Variants in CDH18 observed in about 807,000 individuals in gnomAD.
CDH18 encodes cadherin 18.
A neutral mutation model predicts 67.9 loss-of-function variants in CDH18; 31 were observed. That is an observed-to-expected ratio of 0.46 (90% CI 0.34 to 0.62). The LOEUF is 0.62. CDH18 is among the 20% of genes least tolerant of loss of function. The pLI is 0.01. For synonymous variants in CDH18, 362 were observed against 347.2 expected, an observed-to-expected ratio of 1.04 and a Z score of -0.48; for missense variants, 890 against 975.5, an observed-to-expected ratio of 0.91 and a Z score of 1.17.
At chr5:19,810,140 G>C (rs941370231) in intron 3 of CDH18, among the ~76,000 whole-genome samples, 2 of 151,958 alleles carry the variant, frequency 1.3e-5, no homozygotes, top group Non-Finnish European at 2.9e-5. Context: ...GACCAGCCTG[G>C]CCAACATGGT....
intron 2 of CDH18, among the ~76,000 whole-genome samples, chr5:19,926,271 T>C (rs1327967635): frequency 1.3e-5 from 2 of 152,192 alleles, no homozygotes; most frequent in Non-Finnish European, 2.9e-5. Flanking sequence ...ACTGGTAATA[T>C]GCTTGAAATA....
chr5:19,510,242 G>A (rs1744908741), intron 10 of CDH18, among the ~76,000 whole-genome samples: 1 of 152,038 alleles, frequency 6.6e-6, no homozygotes, highest in African/African-American at 2.4e-5. Flanking sequence ...TCAAGATATG[G>A]TTAAAAGAGT....
chr5:19,536,256 G>A (rs1363551649), intron 9 of CDH18, among the ~76,000 whole-genome samples: 2 of 152,168 alleles, frequency 1.3e-5, no homozygotes, highest in Non-Finnish European at 2.9e-5. Flanking sequence ...TTTAACTGTG[G>A]AAGAAAAGAA....
chr5:20,245,198 A>AT, intron 2 of CDH18, among the ~76,000 whole-genome samples: 1 of 152,220 alleles, frequency 6.6e-6, no homozygotes, highest in South Asian at 2.1e-4. Flanking sequence ...ATACAAAACA[A>AT]TCTGGATACA....
At chr5:19,559,463 C>T (rs557881419) in intron 8 of CDH18, among the ~76,000 whole-genome samples, 2 of 152,044 alleles carry the variant, frequency 1.3e-5, no homozygotes, top group South Asian at 4.1e-4. Flanking sequence ...AGCTTTTGAA[C>T]AAAATCCAGC....
intron 5 of CDH18, among the ~76,000 whole-genome samples, chr5:19,642,821 A>G (rs1411472450): frequency 1.3e-5 from 2 of 152,096 alleles, no homozygotes; most frequent in East Asian, 3.9e-4. Flanking sequence ...AAAATAGGTA[A>G]ATATAGTTCC....
At chr5:20,228,553 A>G (rs1429585800) in intron 2 of CDH18, among the ~76,000 whole-genome samples, 1 of 152,130 alleles carries the variant, frequency 6.6e-6, no homozygotes, top group Non-Finnish European at 1.5e-5. Context: ...ATGTTGTACA[A>G]TAGATCTCTT....
At chr5:19,988,548 G>T (rs139600968), upstream of CDH18, among the ~76,000 whole-genome samples, 1 of 152,200 alleles carries the variant, frequency 6.6e-6, no homozygotes, top group East Asian at 1.9e-4. Context: ...CAGATTTCTT[G>T]AAAAATGACG....
At chr5:20,330,860 C>A (rs1739105596) in intron 1 of CDH18, among the ~76,000 whole-genome samples, 1 of 152,174 alleles carries the variant, frequency 6.6e-6, no homozygotes, top group Non-Finnish European at 1.5e-5. Flanking sequence ...TTCATTCCTG[C>A]TATAAAGCTT....
At position 20,398,876 on chromosome 5, in the gene CDH18, CG is replaced by C. The variant is rs58863788; in HGVS notation, c.-579-143372del. Reference sequence around the variant, plus strand: ...AACCACCACGGCACACGTATACCTACGTAGAAAACCACCACGGCACACGTAT... The same window carrying C: ...AACCACCACGGCACACGTATACCTACTAGAAAACCACCACGGCACACGTAT... On this transcript the variant is annotated intron_variant, in intron 1 of 14. Transcript: ENST00000507958. Among the ~76,000 whole-genome samples the C allele has an allele frequency of 5.1e-3, 722 of 142,246 alleles. 10 individuals carry two copies. Among genetic ancestry groups the C allele is most frequent in the African/African-American group, 0.018 (681 of 37,976 alleles). The allele number at this position is 142,246 out of a possible 152,430, so 93.3% of individuals were successfully genotyped here.
intron 6 of CDH18, among the ~76,000 whole-genome samples, chr5:19,594,999 T>C (rs1483844312): frequency 6.6e-6 from 1 of 152,116 alleles, no homozygotes; most frequent in Non-Finnish European, 1.5e-5. Context: ...AGTAAAACTG[T>C]CCTTGTTTGT....
chr5:20,530,018 C>A (rs142181381), intron 1 of CDH18, among the ~76,000 whole-genome samples: 48 of 152,090 alleles, frequency 3.2e-4, no homozygotes, highest in African/African-American at 9.6e-4. Context: ...GCTTCTTAAG[C>A]AGATAAGCAA....
At chr5:20,522,722 C>T (rs537079850) in intron 1 of CDH18, among the ~76,000 whole-genome samples, 101 of 152,146 alleles carry the variant, frequency 6.6e-4, no homozygotes, top group Non-Finnish European at 1.3e-3. Flanking sequence ...AAATAAAACC[C>T]TCTCTGAACA....
chr5:20,347,259 T>C (rs1486337401), intron 1 of CDH18, among the ~76,000 whole-genome samples: 1 of 152,164 alleles, frequency 6.6e-6, no homozygotes, highest in African/African-American at 2.4e-5. Flanking sequence ...TAGATGGTGA[T>C]GCAGATGGCA....
intron 2 of CDH18, among the ~76,000 whole-genome samples, chr5:19,997,204 A>G (rs2150395769): frequency 6.6e-6 from 1 of 152,246 alleles, no homozygotes; most frequent in Non-Finnish European, 1.5e-5. Flanking sequence ...ACAAAATAAA[A>G]TATTTTAAAA....
At chr5:20,419,195 C>A (rs1471848747) in intron 1 of CDH18, among the ~76,000 whole-genome samples, 3 of 152,064 alleles carry the variant, frequency 2.0e-5, no homozygotes, top group Non-Finnish European at 4.4e-5. Flanking sequence ...ATTTTTTTCT[C>A]TTGCCTCGGC....
chr5:20,282,491 G>T (rs148291431), intron 1 of CDH18, among the ~76,000 whole-genome samples: 6,273 of 152,026 alleles, frequency 0.041, 383 homozygotes, highest in East Asian at 0.28. Context: ...TTTCTCGTTG[G>T]TTCTGTTTAT....
chr5:20,157,774 C>T (rs949079661), intron 2 of CDH18, among the ~76,000 whole-genome samples: 3 of 151,580 alleles, frequency 2.0e-5, no homozygotes, highest in East Asian at 1.9e-4. Context: ...TCCTGAGTAG[C>T]GGGACTACAG....
chr5:20,490,582 A>G (rs1170796938), intron 1 of CDH18, among the ~76,000 whole-genome samples: 1 of 152,158 alleles, frequency 6.6e-6, no homozygotes, highest in African/African-American at 2.4e-5. Flanking sequence ...GAAAAAGACT[A>G]TTATAGATAA....
Sources: gnomAD v4.1 joint callset for allele counts (sites outside exome capture counted in the v4.1 genomes callset) on GRCh38, gnomAD v4.1.1 for gene constraint, MANE v1.5 for transcripts, NCBI Gene and HGNC (gene_info 2026-07-23, HGNC 2026-07-21) for gene names.